Variants in SQSTM1 observed in about 807,000 individuals in gnomAD.
SQSTM1 encodes the protein sequestosome-1.
SQSTM1 carries 36 observed loss-of-function variants against 45.1 expected under a neutral mutation model. The ratio of observed to expected loss-of-function variants is 0.80; its 90% CI spans 0.61 to 1.05. SQSTM1 has a LOEUF of 1.05. SQSTM1 is among the 50% of genes least tolerant of loss of function. The pLI, the probability that SQSTM1 is intolerant of heterozygous loss-of-function variation, is 0.00. For synonymous variants in SQSTM1, 290 were observed against 244.3 expected, an observed-to-expected ratio of 1.19 and a Z score of -1.74; for missense variants, 617 against 607.1, an observed-to-expected ratio of 1.02 and a Z score of -0.17.
At chr5:179,821,536 A>G (rs760861965) in intron 1 of SQSTM1, 36 of 481,408 alleles carry the variant, frequency 7.5e-5, no homozygotes, top group Admixed American at 1.4e-4. Flanking sequence ...TTACACTGAC[A>G]CCTTGCTGCG....
rs117531194 is a variant in SQSTM1, at chr5:179,836,851, C to T, written c.*258C>T. ...CTGCGAGACCCAAGGCTCACTGCAG[C>T]GCGCTCCTGACCCCTCCCTGCAGGG... is the stretch of plus-strand genomic sequence containing the variant. On this transcript the variant is annotated 3_prime_UTR_variant, in exon 8 of 8. Transcript: ENST00000389805. The T allele has an allele frequency of 1.1e-5, 7 of 639,922 alleles. No individual in the cohort carries two copies. The highest frequency in any genetic ancestry group is 2.7e-5 in the East Asian group (1 of 36,826). The allele number at this position is 639,922 out of a possible 1,614,324, so 39.6% of individuals were successfully genotyped here.
chr5:179,820,748 C>A, upstream of SQSTM1: 2 of 501,344 alleles, frequency 4.0e-6, no homozygotes, highest in South Asian at 3.2e-5. Flanking sequence ...CGAGGGGTAG[C>A]GGGGAAGGGG....
intron 7 of SQSTM1, 133 bp from the exon 8 acceptor site, chr5:179,836,303 G>A (rs1342172855): frequency 8.3e-7 from 1 of 1,209,106 alleles, no homozygotes; most frequent in Non-Finnish European, 1.2e-6. Context: ...TGTGGCCTGT[G>A]AGGACGAGAG....
intron 1 of SQSTM1, among the ~76,000 whole-genome samples, chr5:179,821,871 G>A (rs1307295745): frequency 6.6e-6 from 1 of 152,086 alleles, no homozygotes; most frequent in Non-Finnish European, 1.5e-5. Context: ...GGTGGCCAAG[G>A]CCGGCCCCTG....
chr5:179,819,569 C>T (rs568482541), upstream of SQSTM1, among the ~76,000 whole-genome samples: 41 of 152,366 alleles, frequency 2.7e-4, no homozygotes, highest in African/African-American at 9.9e-4. Context: ...CCACGTGGCT[C>T]TCAGGCGCCT....
intron 7 of SQSTM1, 95 bp downstream of exon 7, chr5:179,833,877 A>G: frequency 1.4e-6 from 2 of 1,400,444 alleles, no homozygotes; most frequent in South Asian, 1.2e-5. Flanking sequence ...GAAGGATGAG[A>G]TGTTCTCCAC....
chr5:179,834,015 C>T (rs1758374220), intron 7 of SQSTM1, among the ~76,000 whole-genome samples: 1 of 151,904 alleles, frequency 6.6e-6, no homozygotes, highest in South Asian at 2.1e-4. Flanking sequence ...AACTCCAGAG[C>T]CAGGAATATT....
chr5:179,834,373 G>A (rs1167634787), intron 7 of SQSTM1, among the ~76,000 whole-genome samples: 1 of 152,100 alleles, frequency 6.6e-6, no homozygotes, highest in Admixed American at 6.5e-5. Flanking sequence ...AGGGGATGGC[G>A]AGCTATGGCC....
At chr5:179,834,924 C>T (rs1301999590) in intron 7 of SQSTM1, among the ~76,000 whole-genome samples, 1 of 152,352 alleles carries the variant, frequency 6.6e-6, no homozygotes, top group African/African-American at 2.4e-5. Context: ...TTGGGTACAC[C>T]TCCCAGACGG....
upstream of SQSTM1, among the ~76,000 whole-genome samples, chr5:179,815,630 C>T (rs1405262323): frequency 6.6e-6 from 1 of 152,110 alleles, no homozygotes; most frequent in Non-Finnish European, 1.5e-5. Flanking sequence ...TCCAGATGAC[C>T]CCAGTGTGCA....
At chr5:179,817,392 T>C (rs1757616564), upstream of SQSTM1, among the ~76,000 whole-genome samples, 1 of 152,178 alleles carries the variant, frequency 6.6e-6, no homozygotes, top group African/African-American at 2.4e-5. Flanking sequence ...CAAGTGGCCA[T>C]GTCCCCCGGC....
upstream of SQSTM1, among the ~76,000 whole-genome samples, chr5:179,814,594 T>G (rs1757525880): frequency 6.6e-6 from 1 of 152,224 alleles, no homozygotes; most frequent in Non-Finnish European, 1.5e-5. Context: ...CATAACCATG[T>G]GGAAATCAAA....
chr5:179,825,379 C>T (rs1012228012), intron 5 of SQSTM1, among the ~76,000 whole-genome samples, 153 bp downstream of exon 5: 2 of 152,172 alleles, frequency 1.3e-5, no homozygotes, highest in East Asian at 1.9e-4. Flanking sequence ...TGCTGGACCA[C>T]GGGCAACTCA....
At position 179,833,192 on chromosome 5, in the gene SQSTM1, G is replaced by A. The variant is rs1415904682; in HGVS notation, c.915G>A (p.Gln305=). 3 of 1,613,150 alleles carry A rather than the reference G, an allele frequency of 1.9e-6. No individual in the cohort carries two copies. The highest frequency in any genetic ancestry group is 1.3e-5 in the African/African-American group (1 of 74,934). Residue 305 remains glutamine, a synonymous_variant, in exon 6 of 8, where the codon CAG becomes CAA. Transcript: ENST00000389805. ...KPGGNVEGAT[Q]SLAEQMRKIA... ...GTGGGAATGTTGAGGGCGCCACGCA[G>A]TCTCTGGCGGAGCAGATGAGGAAGA... is the stretch of plus-strand genomic sequence containing the variant.
At chr5:179,834,478 T>C (rs1037474127) in intron 7 of SQSTM1, among the ~76,000 whole-genome samples, 7 of 151,768 alleles carry the variant, frequency 4.6e-5, no homozygotes, top group Middle Eastern at 3.2e-3. Flanking sequence ...TTTGGCAGGG[T>C]CATAGGACAA....
At chr5:179,815,424 AAAAAG>A (rs1198759411), upstream of SQSTM1, among the ~76,000 whole-genome samples, 6 of 152,248 alleles carry the variant, frequency 3.9e-5, no homozygotes, top group Non-Finnish European at 5.9e-5. Flanking sequence ...CTCGAAAAAA[AAAAAG>A]AAAAGAAAAC....
Position 179,833,353 on chromosome 5 carries a change from G to A in SQSTM1, c.969+107G>A, listed in dbSNP as rs935836541. 2.8e-5 allele frequency: 33 copies of A among 1,164,220 alleles called. No individual in the cohort carries two copies. In the Middle Eastern group the frequency reaches 8.2e-4, roughly 29 times the overall value. The allele number at this position is 1,164,220 out of a possible 1,614,324, so 72.1% of individuals were successfully genotyped here. ...CCTCTGCAGCCCCACTTACAAACCC[G>A]AGGGAGCTGCTGCTGCTGCAGTGAT... On this transcript the variant is annotated intron_variant, in intron 6 of 7. Coordinates refer to ENST00000389805, the MANE Select transcript of SQSTM1 (RefSeq NM_003900.5).
At chr5:179,834,321 C>T (rs1758402110) in intron 7 of SQSTM1, among the ~76,000 whole-genome samples, 1 of 151,806 alleles carries the variant, frequency 6.6e-6, no homozygotes, top group Non-Finnish European at 1.5e-5. Context: ...GTGTGCACAA[C>T]CTGCTGTGGG....
intron 1 of SQSTM1, among the ~76,000 whole-genome samples, chr5:179,807,115 C>T (rs977277184): frequency 6.6e-6 from 1 of 150,818 alleles, no homozygotes; most frequent in African/African-American, 2.4e-5. Flanking sequence ...TCGTGCGAGT[C>T]GGCCTCAGGT....
Sources: allele counts gnomAD v4.1 joint callset (sites outside exome capture counted in the v4.1 genomes callset), GRCh38; gene constraint gnomAD v4.1.1; transcripts MANE v1.5; gene names NCBI Gene and HGNC (gene_info 2026-07-23, HGNC 2026-07-21).